Variants in LRPPRC observed in about 807,000 individuals in gnomAD.
LRPPRC encodes leucine rich pentatricopeptide repeat containing.
LRPPRC carries 120 observed loss-of-function variants against 180.3 expected under a neutral mutation model. The ratio of observed to expected loss-of-function variants is 0.67; its 90% confidence interval spans 0.57 to 0.77. LRPPRC has a LOEUF of 0.77. LRPPRC is among the 30% of genes least tolerant of loss of function. The probability of loss-of-function intolerance (pLI) is 0.00; values close to 1 mark genes in which losing one functional copy is unlikely to be tolerated. For synonymous variants in LRPPRC, 723 were observed against 600.0 expected (o/e 1.21, Z -3.00); for missense variants, 2,012 against 1,657.2 (o/e 1.21, Z -3.72).
chr2:43,936,634 G>A (rs74766575), intron 23 of LRPPRC, among the ~76,000 whole-genome samples: 1,718 of 152,244 alleles, frequency 0.011, 38 homozygotes, highest in African/African-American at 0.04. Context: ...AAAAGACAAC[G>A]AAGAAATGTT....
At chr2:43,961,776 C>G (rs1217829625) in intron 12 of LRPPRC, among the ~76,000 whole-genome samples, 1 of 152,172 alleles carries the variant, frequency 6.6e-6, no homozygotes, top group Non-Finnish European at 1.5e-5. Context: ...GCCTGGCCAA[C>G]ATGGTGAAAT....
At chr2:43,945,539 C>T (rs181639569) in intron 21 of LRPPRC, 122 bp from the exon 22 acceptor site, 25 of 698,990 alleles carry the variant, frequency 3.6e-5, no homozygotes, top group African/African-American at 1.2e-4. Context: ...TTGGCCTCTA[C>T]GCTTCAGTTA....
At chr2:43,936,231 A>G (rs1364617077) in intron 23 of LRPPRC, among the ~76,000 whole-genome samples, 1 of 152,136 alleles carries the variant, frequency 6.6e-6, no homozygotes, top group East Asian at 1.9e-4. Context: ...AAACAGAGGA[A>G]GGTACTAGGT....
chr2:43,938,607 T>G (rs1331132168), intron 23 of LRPPRC, among the ~76,000 whole-genome samples: 1 of 152,178 alleles, frequency 6.6e-6, no homozygotes, highest in African/African-American at 2.4e-5. Flanking sequence ...ATAAATAAGC[T>G]TGAAGCTCCG....
At chr2:43,987,090 C>G (rs2103763054) in intron 1 of LRPPRC, among the ~76,000 whole-genome samples, 1 of 152,292 alleles carries the variant, frequency 6.6e-6, no homozygotes, top group African/African-American at 2.4e-5. Context: ...CAGCCTTGCA[C>G]AGTTGGAATA....
intron 16 of LRPPRC, among the ~76,000 whole-genome samples, chr2:43,949,340 A>G (rs935808411): frequency 6.6e-6 from 1 of 152,190 alleles, no homozygotes; most frequent in East Asian, 1.9e-4. Flanking sequence ...TTTTAAGCCT[A>G]TTTCCATAGA....
At chr2:43,960,740 T>C in intron 12 of LRPPRC, 106 bp from the exon 13 acceptor site, 1 of 747,530 alleles carries the variant, frequency 1.3e-6, no homozygotes, top group Non-Finnish European at 2.4e-6. Flanking sequence ...TTCTCTGATT[T>C]TCTAGAAAAA....
At chr2:43,940,471 A>T (rs1672438339) in intron 23 of LRPPRC, among the ~76,000 whole-genome samples, 2 of 152,210 alleles carry the variant, frequency 1.3e-5, no homozygotes, top group South Asian at 4.1e-4. Context: ...AGATTAATTC[A>T]GCAAGAATTC....
At chr2:43,944,278 T>C (rs1672599351) in intron 22 of LRPPRC, among the ~76,000 whole-genome samples, 2 of 152,014 alleles carry the variant, frequency 1.3e-5, no homozygotes, top group Admixed American at 1.3e-4. Context: ...TAAAGATGTG[T>C]TTACACTGTA....
At chr2:43,996,246 G>A (rs748883798), upstream of LRPPRC, among the ~76,000 whole-genome samples, 12 of 152,206 alleles carry the variant, frequency 7.9e-5, no homozygotes, top group Non-Finnish European at 1.3e-4. Flanking sequence ...TCTGTTGGTA[G>A]AGCCGCAAGA....
At chr2:43,990,090 G>A (rs1315153989) in intron 1 of LRPPRC, among the ~76,000 whole-genome samples, 1 of 151,984 alleles carries the variant, frequency 6.6e-6, no homozygotes, top group East Asian at 1.9e-4. Flanking sequence ...ATGGTGGCAT[G>A]CGCCTGTCGT....
chr2:43,980,296 C>T (rs1232099949), intron 2 of LRPPRC, among the ~76,000 whole-genome samples: 5 of 151,992 alleles, frequency 3.3e-5, no homozygotes, highest in Admixed American at 1.3e-4. Flanking sequence ...GGGCCAGGCG[C>T]GAATCCCAGT....
At chr2:43,899,691 C>A in intron 32 of LRPPRC, 86 bp from the exon 33 acceptor site, 1 of 830,076 alleles carries the variant, frequency 1.2e-6, no homozygotes, top group South Asian at 1.4e-5. Flanking sequence ...CTTTTATATC[C>A]ACTCATGCTA....
At chr2:43,981,363 A>G (rs969104634) in intron 2 of LRPPRC, among the ~76,000 whole-genome samples, 1 of 151,464 alleles carries the variant, frequency 6.6e-6, no homozygotes, top group Non-Finnish European at 1.5e-5. Context: ...ATTTTCTGAT[A>G]TGGAATAAAC....
chr2:43,987,570 C>G (rs1194736628), intron 1 of LRPPRC, among the ~76,000 whole-genome samples: 1 of 151,206 alleles, frequency 6.6e-6, no homozygotes, highest in East Asian at 1.9e-4. Flanking sequence ...ATACCCTGTT[C>G]CCACAAACTC....
chr2:43,943,921 T>G (rs1359836704), intron 22 of LRPPRC, 27 bp from the exon 23 acceptor site: 1 of 1,539,204 alleles, frequency 6.5e-7, no homozygotes, highest in South Asian at 1.1e-5. Flanking sequence ...CAAAAGACCC[T>G]TAGGTAATTT....
At chr2:43,975,257 C>T (rs200978750) in intron 6 of LRPPRC, 40 bp from the exon 7 acceptor site, 3 of 1,570,480 alleles carry the variant, frequency 1.9e-6, no homozygotes, top group Non-Finnish European at 8.7e-7. Context: ...ATGCTTTTGC[C>T]AAATTTAATA....
chr2:43,895,791 A>G (rs375475370), intron 35 of LRPPRC, among the ~76,000 whole-genome samples: 1 of 152,152 alleles, frequency 6.6e-6, no homozygotes, highest in Non-Finnish European at 1.5e-5. Flanking sequence ...TTCATAAAGA[A>G]CCCAAATAAA....
chr2:43,980,800 C>A (rs1674272140), intron 2 of LRPPRC, among the ~76,000 whole-genome samples: 2 of 152,032 alleles, frequency 1.3e-5, no homozygotes, highest in African/African-American at 4.8e-5. Flanking sequence ...GTAGGGCAAA[C>A]CTACAGGGAC....
Sources: allele counts gnomAD v4.1 joint callset (sites outside exome capture counted in the v4.1 genomes callset), GRCh38; gene constraint gnomAD v4.1.1; transcripts MANE v1.5; gene names NCBI Gene and HGNC (gene_info 2026-07-23, HGNC 2026-07-21).